Variants in ATP6V0A1 observed in about 807,000 individuals in gnomAD.
ATP6V0A1 encodes V-type proton ATPase 116 kDa subunit a 1.
ATP6V0A1 carries 43 observed loss-of-function variants against 105.4 expected under a neutral mutation model. That is an observed-to-expected ratio of 0.41 (90% confidence interval 0.32 to 0.53). ATP6V0A1 has a LOEUF of 0.53. Among genes scored for constraint, ATP6V0A1 ranks in the 20% least tolerant of loss-of-function variants. The probability of loss-of-function intolerance (pLI) is 0.30; values close to 1 mark genes in which losing one functional copy is unlikely to be tolerated. For missense variants in ATP6V0A1, 676 were observed against 1,051.1 expected, an observed-to-expected ratio of 0.64 and a Z score of 4.93; for synonymous variants, 362 against 372.8, an observed-to-expected ratio of 0.97 and a Z score of 0.33.
intron 19 of ATP6V0A1, chr17:42,513,409 GTC>G (rs540893650): frequency 5.0e-4 from 82 of 162,488 alleles, no homozygotes; most frequent in African/African-American, 1.8e-3. Context: ...CGGGTTGAGA[GTC>G]TGTCTCCTGA....
chr17:42,488,032 G>C (rs1381009559), intron 10 of ATP6V0A1, among the ~76,000 whole-genome samples: 2 of 152,164 alleles, frequency 1.3e-5, no homozygotes, highest in Non-Finnish European at 2.9e-5. Flanking sequence ...TTTCTGTTTA[G>C]TAGTTAATTA....
At chr17:42,483,991 T>C (rs779090366) in intron 9 of ATP6V0A1, among the ~76,000 whole-genome samples, 4 of 152,256 alleles carry the variant, frequency 2.6e-5, no homozygotes, top group Non-Finnish European at 5.9e-5. Flanking sequence ...GTGCTGGGAT[T>C]ATAGGCGTGA....
intron 21 of ATP6V0A1, among the ~76,000 whole-genome samples, chr17:42,517,596 C>A (rs2092684487): frequency 6.6e-6 from 1 of 152,198 alleles, no homozygotes; most frequent in Non-Finnish European, 1.5e-5. Context: ...GCCTCCCCCA[C>A]CACTAAAACA....
chr17:42,510,219 G>A (rs751527350), intron 19 of ATP6V0A1: 2 of 152,322 alleles, frequency 1.3e-5, no homozygotes, highest in Non-Finnish European at 2.9e-5. Flanking sequence ...TCCTCACCAG[G>A]TGCATTCATC....
chr17:42,489,469 G>A (rs1254066011), intron 10 of ATP6V0A1, among the ~76,000 whole-genome samples: 1 of 151,442 alleles, frequency 6.6e-6, no homozygotes, highest in Non-Finnish European at 1.5e-5. Context: ...TCAGTTAGGA[G>A]GTTATTGTAG....
chr17:42,483,118 A>G lies in ATP6V0A1; in HGVS notation c.797A>G (p.Asp266Gly), dbSNP rs143549371. ...EMASGVNTRI[D>G]DLQMVLNQTE... ...GCTTCTGGAGTGAATACCAGGATTG[A>G]TGATCTCCAAATGGTATGCAGAAGG... The change falls in exon 9 of 22, where the codon GAT becomes GGT. Residue 266 changes from aspartate (D) to glycine (G), a missense_variant. Asp to Gly is a moderately conservative substitution (Grantham distance 94). Transcript: ENST00000343619. 1.0e-5 allele frequency: 16 copies of G among 1,542,842 alleles called. No individual in the cohort carries two copies. The highest frequency in any genetic ancestry group is 1.3e-5 in the Non-Finnish European group (15 of 1,139,810).
At chr17:42,520,348 C>A in intron 21 of ATP6V0A1, 1 of 436,598 alleles carries the variant, frequency 2.3e-6, no homozygotes, top group Admixed American at 2.5e-5. Flanking sequence ...TTCCTCCCAC[C>A]CTCCCTGAGA....
At chr17:42,494,837 C>A in intron 12 of ATP6V0A1, 197 bp from the exon 13 acceptor site, 1 of 564,116 alleles carries the variant, frequency 1.8e-6, no homozygotes, top group Non-Finnish European at 2.9e-6. Context: ...TTGTGCCAAC[C>A]TAATAAAAAA....
chr17:42,495,180 T>C lies in ATP6V0A1; in HGVS notation c.1461T>C (p.Tyr487=), dbSNP rs773682588. ...SSWSVRPMFT[Y]NWTEETLRGN... Reference sequence around the variant, plus strand: ...GGAGTGTACGGCCGATGTTTACTTATAATTGGACGTAAGTTGCAGAAGAAG... The same window carrying C: ...GGAGTGTACGGCCGATGTTTACTTACAATTGGACGTAAGTTGCAGAAGAAG... Residue 487 remains tyrosine, a synonymous_variant, in exon 13 of 22, where the codon TAT becomes TAC. Transcript: ENST00000343619. 1.2e-6 allele frequency: 2 copies of C among 1,613,886 alleles called. No homozygotes were observed. The highest frequency in any genetic ancestry group is 8.5e-7 in the Non-Finnish European group (1 of 1,179,838).
intron 5 of ATP6V0A1, chr17:42,471,256 T>TA (rs201794971): frequency 0.073 from 10,808 of 148,768 alleles, 436 homozygotes; most frequent in East Asian, 0.15. Flanking sequence ...CCGTCTCTGC[T>TA]AAAAAAATAC....
intron 5 of ATP6V0A1, among the ~76,000 whole-genome samples, chr17:42,474,024 A>T (rs796739326): frequency 4.8e-4 from 71 of 147,972 alleles, no homozygotes; most frequent in African/African-American, 1.8e-3. Context: ...TTTTTTTGAG[A>T]CAGAGTCTCG....
At position 42,500,840 on chromosome 17, in the gene ATP6V0A1, G is replaced by T; in HGVS notation, c.1813G>T (p.Ala605Ser). The change falls in exon 16 of 22, where the codon GCA (alanine) becomes TCA (serine). Residue 605 changes from alanine (A) to serine (S), a missense_variant. Transcript: ENST00000343619. Reference protein sequence around the residue: ...TAYDAHTSENAPSLLIHFINM... With the variant: ...TAYDAHTSENSPSLLIHFINM... ...CTATGATGCTCATACCTCTGAGAAT[G>T]CACCAAGCCTTCTGATCCATTTCAT... 6.2e-7 allele frequency: 1 copy of T among 1,613,980 alleles called. No homozygotes were observed.
rs1001510101 is a variant in ATP6V0A1 at position 42,494,544 on chromosome 17, G to A, written c.1314+71G>A. On this transcript the variant is annotated intron_variant, in intron 12 of 21. Transcript: ENST00000343619. ...CCCAAGCATTCATTATGAAAATTAT[G>A]ATCTGGAAGTCTTTTATCCATGAAT... The A allele has an allele frequency of 2.7e-6, 4 of 1,501,190 alleles. No homozygotes were observed. In the African/African-American group the frequency reaches 5.6e-5, roughly 21 times the overall value. 93.0% of individuals were successfully genotyped at this position (1,501,190 alleles called of 1,614,324 possible).
intron 3 of ATP6V0A1, among the ~76,000 whole-genome samples, chr17:42,467,012 T>C (rs2087161088): frequency 6.6e-6 from 1 of 152,078 alleles, no homozygotes; most frequent in African/African-American, 2.4e-5. Flanking sequence ...CTGGGCGTGG[T>C]GGCAGGCGCC....
chr17:42,464,498 G>A (rs1282012184), intron 2 of ATP6V0A1, among the ~76,000 whole-genome samples: 1 of 152,000 alleles, frequency 6.6e-6, no homozygotes, highest in African/African-American at 2.4e-5. Flanking sequence ...CGCCTCCCGG[G>A]TTCAAGCAAT....
intron 2 of ATP6V0A1, 23 bp from the exon 3 acceptor site, chr17:42,466,406 G>T: frequency 6.4e-7 from 1 of 1,559,340 alleles, no homozygotes; most frequent in South Asian, 1.1e-5. Context: ...TTCAATGTTT[G>T]GTATTGTGTT....
In ATP6V0A1 at chr17:42,482,990, T is replaced by C. The variant is rs746452583; in HGVS notation, c.717-48T>C. On this transcript the variant is annotated intron_variant, in intron 8 of 21. Transcript: ENST00000343619. Reference sequence around the variant, plus strand: ...GGTACATTAGGATTACTTTCTGAGATTATTTAAATTAGATAAGTTAAGAAA... The same window carrying C: ...GGTACATTAGGATTACTTTCTGAGACTATTTAAATTAGATAAGTTAAGAAA... 7 of 1,297,214 alleles carry C rather than the reference T, an allele frequency of 5.4e-6. No homozygotes were observed. The South Asian group carries it at 1.3e-4, about 23-fold the overall frequency. The allele number at this position is 1,297,214 out of a possible 1,614,324, so 80.4% of individuals were successfully genotyped here.
intron 15 of ATP6V0A1, 138 bp downstream of exon 15, chr17:42,499,180 T>C (rs1174021950): frequency 1.3e-5 from 9 of 705,494 alleles, no homozygotes; most frequent in African/African-American, 3.6e-5. Context: ...TCTAAAAATT[T>C]AATGGTGTGG....
chr17:42,494,255 T>G (rs1598936849), intron 11 of ATP6V0A1, 79 bp from the exon 12 acceptor site: 4 of 1,368,502 alleles, frequency 2.9e-6, no homozygotes, highest in Non-Finnish European at 2.0e-6. Context: ...GGGGGGTGGG[T>G]ATGGAAAAGA....
Sources: gnomAD v4.1 joint callset for allele counts (sites outside exome capture counted in the v4.1 genomes callset) on GRCh38, gnomAD v4.1.1 for gene constraint, MANE v1.5 for transcripts, NCBI Gene and HGNC (gene_info 2026-07-23, HGNC 2026-07-21) for gene names.